GLYR1: variants seen among roughly 807,000 people sequenced by gnomAD.
GLYR1 encodes cytokine-like nuclear factor N-PAC.
Under a neutral mutation model 72.7 loss-of-function variants are expected in GLYR1, and 21 were observed. The observed-to-expected ratio is 0.29, with a 90% CI of 0.20 to 0.42. The LOEUF is 0.42. Ranked by LOEUF, GLYR1 falls within the 10% of genes least tolerant of loss-of-function variation. GLYR1 has a pLI of 1.00. For missense variants in GLYR1, 594 were observed against 712.1 expected (o/e 0.83, Z 1.89); for synonymous variants, 392 against 270.2 (o/e 1.45, Z -4.42).
At chr16:4,846,113 T>G in intron 2 of GLYR1, 61 bp downstream of exon 2, 4 of 1,563,618 alleles carry the variant, frequency 2.6e-6, no homozygotes, top group Non-Finnish European at 3.5e-6. Context: ...GAATGCATCT[T>G]ACATTCTCCA....
intron 6 of GLYR1, among the ~76,000 whole-genome samples, chr16:4,823,484 G>A (rs556748528): frequency 6.6e-6 from 1 of 151,920 alleles, no homozygotes; most frequent in Non-Finnish European, 1.5e-5. Flanking sequence ...ACAATAAGAG[G>A]GTGTTTATAA....
At chr16:4,834,710 C>A (rs2142022641) in intron 3 of GLYR1, among the ~76,000 whole-genome samples, 1 of 152,082 alleles carries the variant, frequency 6.6e-6, no homozygotes, top group South Asian at 2.1e-4. Context: ...CAGTGATCCA[C>A]CTGCCTTGGC....
At position 4,812,133 on chromosome 16, in the gene GLYR1, T is replaced by A; in HGVS notation, c.1235A>T (p.Asp412Val). 6.2e-7 allele frequency: 1 copy of A among 1,614,130 alleles called. No individual in the cohort carries two copies. Among genetic ancestry groups the A allele is most frequent in the Non-Finnish European group, 8.5e-7 (1 of 1,180,006 alleles). ...CATCGCCTGGAAGCAGCTGCTGCAG[T>A]CCTCATATAAGCCCCTGTCTCCAGC... ...LAAGDRGLYEDCSSCFQAMGK... is the reference protein window; with the variant it reads ...LAAGDRGLYEVCSSCFQAMGK... Residue 412 changes from aspartate to valine, a missense_variant, in exon 13 of 16, where the codon GAC (aspartate) becomes GTC (valine). Physicochemically the swap from Asp to Val is radical, Grantham distance 152 (BLOSUM62 -3). Transcript: ENST00000321919.
intron 15 of GLYR1, among the ~76,000 whole-genome samples, chr16:4,809,682 G>A (rs543941220): frequency 1.3e-3 from 190 of 151,352 alleles, no homozygotes; most frequent in African/African-American, 4.3e-3. Flanking sequence ...CCAGCACTTT[G>A]GGAGGCTGAG....
chr16:4,834,168 A>G (rs1181224979), intron 3 of GLYR1, among the ~76,000 whole-genome samples: 1 of 152,190 alleles, frequency 6.6e-6, no homozygotes, highest in African/African-American at 2.4e-5. Flanking sequence ...ACCTGGGATC[A>G]TCGGCCTGCA....
chr16:4,820,447 A>C (rs370968062), intron 9 of GLYR1, among the ~76,000 whole-genome samples: 3 of 152,318 alleles, frequency 2.0e-5, no homozygotes, highest in Admixed American at 6.5e-5. Flanking sequence ...ATGGGCCAAT[A>C]AATGTGTTGG....
intron 3 of GLYR1, among the ~76,000 whole-genome samples, chr16:4,837,739 C>G (rs1439041326): frequency 6.6e-6 from 1 of 152,116 alleles, no homozygotes; most frequent in South Asian, 2.1e-4. Context: ...TGAGACCACC[C>G]TGGCCAACAC....
At chr16:4,816,995 G>A (rs2083681137) in intron 10 of GLYR1, among the ~76,000 whole-genome samples, 1 of 150,802 alleles carries the variant, frequency 6.6e-6, no homozygotes, top group African/African-American at 2.4e-5. Flanking sequence ...CCAGGCTGGA[G>A]TGCAGTGACA....
At chr16:4,845,232 T>G in intron 2 of GLYR1, 79 bp from the exon 3 acceptor site, 1 of 884,760 alleles carries the variant, frequency 1.1e-6, no homozygotes, top group Non-Finnish European at 1.8e-6. Context: ...TGCTCTACAG[T>G]TCTACGTTGC....
intron 5 of GLYR1, among the ~76,000 whole-genome samples, chr16:4,827,495 G>A (rs150830795): frequency 9.5e-4 from 145 of 152,178 alleles, no homozygotes; most frequent in African/African-American, 3.3e-3. Context: ...AGGACACCTC[G>A]AAGGGTCAAT....
chr16:4,820,466 A>G (rs1460243891), intron 9 of GLYR1, among the ~76,000 whole-genome samples: 1 of 152,212 alleles, frequency 6.6e-6, no homozygotes, highest in Non-Finnish European at 1.5e-5. Context: ...GGGTAAAAAC[A>G]TCAGGACTCT....
chr16:4,819,443 G>C (rs1287027032), intron 9 of GLYR1, among the ~76,000 whole-genome samples: 1 of 152,098 alleles, frequency 6.6e-6, no homozygotes, highest in African/African-American at 2.4e-5. Flanking sequence ...TGAGCAGCTA[G>C]GACTATAGGT....
intron 6 of GLYR1, among the ~76,000 whole-genome samples, chr16:4,823,479 AAG>A (rs1304469761): frequency 6.6e-6 from 1 of 152,198 alleles, no homozygotes; most frequent in Admixed American, 6.5e-5. Context: ...TATGGACAAT[AAG>A]AGGGTGTTTA....
At position 4,833,727 on chromosome 16, in the gene GLYR1, C is replaced by T. The variant is rs149862725; in HGVS notation, c.156-815G>A. ...TCCGATATGTAATTTTTAATTTCAA[C>T]CATCAATGTGTAACACATGAAAGTG... On this transcript the variant is annotated intron_variant, in intron 3 of 15. Coordinates refer to ENST00000321919, the MANE Select transcript of GLYR1 (RefSeq NM_032569.4). Among the ~76,000 whole-genome samples, 193 of 151,972 alleles carry T rather than the reference C, an allele frequency of 1.3e-3. 2 individuals are homozygous for T. The highest frequency in any genetic ancestry group is 4.5e-3 in the African/African-American group (188 of 41,430).
rs1397287056 is a variant in GLYR1, at chr16:4,823,823, C to G, written c.622G>C (p.Glu208Gln). The part of the protein sequence containing the change: ...AAFKWQPTAS[E>Q]PVKDADPHFH... The stretch of plus-strand genomic sequence containing the variant: ...CTGCCTGCAGGAGAGCTCCTTACCT[C>G]GCTTGCGGTTGGCTGCCATTTAAAC... The change falls in exon 6 of 16, where the codon GAG becomes CAG. Residue 208 changes from glutamate (E) to glutamine (Q), a missense_variant and splice_region_variant. By Grantham distance (29) the Glu-to-Gln change is conservative. Coordinates refer to ENST00000321919, the MANE Select transcript of GLYR1 (RefSeq NM_032569.4). 6.2e-7 allele frequency: 1 copy of G among 1,613,914 alleles called. No homozygotes were observed. The highest frequency in any genetic ancestry group is 2.2e-5 in the East Asian group (1 of 44,862).
At chr16:4,829,459 C>T (rs2084644082) in intron 5 of GLYR1, among the ~76,000 whole-genome samples, 1 of 151,780 alleles carries the variant, frequency 6.6e-6, no homozygotes, top group African/African-American at 2.4e-5. Flanking sequence ...GTGTGTACCA[C>T]TATGCCCAAC....
chr16:4,820,917 C>A (rs1160775241), intron 9 of GLYR1, among the ~76,000 whole-genome samples: 1 of 152,232 alleles, frequency 6.6e-6, no homozygotes, highest in East Asian at 1.9e-4. Flanking sequence ...CTTTCATCTC[C>A]CTTCCCCCAC....
chr16:4,847,076 C>T (rs1253336111), intron 1 of GLYR1, 152 bp downstream of exon 1: 3 of 723,730 alleles, frequency 4.1e-6, no homozygotes, highest in African/African-American at 3.6e-5. Flanking sequence ...GCCCCTTCCG[C>T]CTGGCGCCGC....
At position 4,804,607 on chromosome 16, in the gene GLYR1, G is replaced by C. The variant is rs2082865970; in HGVS notation, c.*629C>G. Reference sequence around the variant, plus strand: ...TGCCAGTCTCTTTTCAGTTCACAAAGGCGTCTATGGAGCGCTGGGTGCACA... The same window carrying C: ...TGCCAGTCTCTTTTCAGTTCACAAACGCGTCTATGGAGCGCTGGGTGCACA... On this transcript the variant is annotated 3_prime_UTR_variant, in exon 16 of 16. Transcript: ENST00000321919. 6.5e-6 allele frequency: 1 copy of C among 152,852 alleles called. No individual in the cohort carries two copies. Among genetic ancestry groups the C allele is most frequent in the South Asian group, 2.1e-4 (1 of 4,836 alleles). 9.5% of individuals were successfully genotyped at this position (152,852 alleles called of 1,614,324 possible). A position where few individuals can be genotyped will look rare whatever the true frequency, so the allele number is the denominator to read the frequency against.
Sources: gnomAD v4.1 joint callset for allele counts (sites outside exome capture counted in the v4.1 genomes callset) on GRCh38, gnomAD v4.1.1 for gene constraint, MANE v1.5 for transcripts, NCBI Gene and HGNC (gene_info 2026-07-23, HGNC 2026-07-21) for gene names.